Variants in SYNE1 observed in about 807,000 individuals in gnomAD.
SYNE1 encodes spectrin repeat containing nuclear envelope protein 1.
Under a neutral mutation model 1,111.0 loss-of-function variants are expected in SYNE1, and 616 were observed. That is an observed-to-expected ratio of 0.55 (90% CI 0.52 to 0.59). SYNE1 has a LOEUF of 0.59. Among genes scored for constraint, SYNE1 ranks in the 20% least tolerant of loss-of-function variants. The pLI is 0.00. For missense variants in SYNE1, 10,006 were observed against 10,417.0 expected (o/e 0.96, Z 1.72); for synonymous variants, 3,855 against 3,825.8 (o/e 1.01, Z -0.28).
chr6:152,331,089 C>G lies in SYNE1; in HGVS notation c.13596G>C (p.Val4532=). 6.2e-7 allele frequency: 1 copy of G among 1,614,184 alleles called. No individual in the cohort carries two copies. Among genetic ancestry groups the G allele is most frequent in the Non-Finnish European group, 8.5e-7 (1 of 1,180,030 alleles). ...KEVTEQEKSE[V]LGKLQELQSV... ...TCTGCAATTCCTGAAGCTTCCCCAG[C>G]ACTTCACTCTTTTCCTGCTCTGTGA... Residue 4532 remains valine, a synonymous_variant, in exon 78 of 146, where the codon GTG becomes GTC. Coordinates refer to ENST00000367255, the MANE Select transcript of SYNE1 (RefSeq NM_182961.4).
chr6:152,409,069 T>C lies in SYNE1; in HGVS notation c.6539A>G (p.Asp2180Gly). The C allele has an allele frequency of 6.2e-7, 1 of 1,614,024 alleles. No individual in the cohort carries two copies. The change falls in exon 44 of 146, where the codon GAT (aspartate) becomes GGT (glycine). Residue 2180 changes from aspartate to glycine, a missense_variant and splice_region_variant. Coordinates refer to ENST00000367255, the MANE Select transcript of SYNE1 (RefSeq NM_182961.4). ...CAGAATCCCAGGTGATTATCTTACA[T>C]CCAGCCATTTGTCCACGGTGCTCTC... ...DMESTVDKWL[D>G]VSEKLEENMD... is the part of the protein sequence containing the mutation.
At chr6:152,325,353 T>A in intron 80 of SYNE1, 51 bp from the exon 81 acceptor site, 1 of 1,581,002 alleles carries the variant, frequency 6.3e-7, no homozygotes, top group Non-Finnish European at 8.7e-7. Flanking sequence ...AGAGATCAAT[T>A]TAATTTTATA....
chr6:152,155,560 G>T, intron 132 of SYNE1: 1 of 344,944 alleles, frequency 2.9e-6, no homozygotes, highest in Non-Finnish European at 5.6e-6. Context: ...GAATTTCAAA[G>T]GGCTTAAAGA....
chr6:152,507,556 C>A (rs759422404), intron 8 of SYNE1, among the ~76,000 whole-genome samples: 5 of 152,176 alleles, frequency 3.3e-5, no homozygotes, highest in Admixed American at 1.3e-4. Flanking sequence ...TTAGTTCAAA[C>A]CTCTTATTTG....
intron 13 of SYNE1, 92 bp downstream of exon 13, chr6:152,484,743 C>T: frequency 7.3e-7 from 1 of 1,371,292 alleles, no homozygotes; most frequent in South Asian, 1.2e-5. Context: ...GCAGTAGAAC[C>T]TGTTGCCATA....
intron 123 of SYNE1, among the ~76,000 whole-genome samples, chr6:152,212,379 T>G (rs1587926710): frequency 6.6e-6 from 1 of 152,208 alleles, no homozygotes; most frequent in Non-Finnish European, 1.5e-5. Context: ...TCTTGCGATA[T>G]GTAGTCTTTT....
rs569770149 is a variant in SYNE1 at position 152,409,976 on chromosome 6, A to G, written c.6231-267T>C. ...AAACAAAATCTATGAACTCAATGAC[A>G]AAGAAGCAATATATGTTCTTGCCAA... On this transcript the variant is annotated intron_variant, in intron 42 of 145. Transcript: ENST00000367255. Among the ~76,000 whole-genome samples, 3 of 152,352 alleles carry G rather than the reference A, an allele frequency of 2.0e-5. No homozygotes were observed. The South Asian group carries it at 6.2e-4, about 32-fold the overall frequency.
At chr6:152,416,254 C>G (rs1216233878) in intron 41 of SYNE1, 133 bp downstream of exon 41, 1 of 1,283,478 alleles carries the variant, frequency 7.8e-7, no homozygotes, top group African/African-American at 1.5e-5. Context: ...TAATTTCTTT[C>G]TTTTGGCAGA....
intron 19 of SYNE1, 31 bp downstream of exon 19, chr6:152,463,322 G>A (rs1230315761): frequency 6.2e-6 from 10 of 1,612,262 alleles, no homozygotes; most frequent in East Asian, 2.2e-5. Context: ...ACACATACAC[G>A]TTGAGGTGTA....
intron 3 of SYNE1, among the ~76,000 whole-genome samples, chr6:152,562,619 A>G (rs2099398661): frequency 6.6e-6 from 1 of 152,184 alleles, no homozygotes; most frequent in Non-Finnish European, 1.5e-5. Context: ...CACACTATTC[A>G]CAACAGCTAA....
In SYNE1 at chr6:152,539,945, GGTA is replaced by G; in HGVS notation, c.129+12_129+14del. The G allele has an allele frequency of 6.2e-7, 1 of 1,613,662 alleles. No homozygotes were observed. Among genetic ancestry groups the G allele is most frequent in the South Asian group, 1.1e-5 (1 of 91,074 alleles). ...CAACCTAAGTAAACCTGTAATGCTG[GGTA>G]GTTTCCTTTACCTTGGCCAGATGAG... On this transcript the variant is annotated intron_variant, in intron 4 of 145. Transcript: ENST00000367255.
chr6:152,186,284 C>T lies in SYNE1; in HGVS notation c.23301+2968G>A, dbSNP rs115223214. Among the ~76,000 whole-genome samples, 680 of 152,054 alleles carry T rather than the reference C, an allele frequency of 4.5e-3. 6 individuals carry two copies. Among genetic ancestry groups the T allele is most frequent in the African/African-American group, 0.015 (628 of 41,486 alleles). ...GAAAATTAGAAGGGAAGACCGGGCA[C>T]GGTGGCTTACGCCTGTCATCTCAGC... is the stretch of plus-strand genomic sequence containing the variant. On this transcript the variant is annotated intron_variant, in intron 128 of 145. Transcript: ENST00000367255.
At chr6:152,134,629 CG>C (rs2152732175) in intron 142 of SYNE1, 1 of 174,686 alleles carries the variant, frequency 5.7e-6, no homozygotes, top group African/African-American at 2.4e-5. Flanking sequence ...TGCAGTGAGC[CG>C]AGATCGCACC....
chr6:152,573,289 G>A (rs910749731), intron 3 of SYNE1, among the ~76,000 whole-genome samples: 54 of 150,782 alleles, frequency 3.6e-4, no homozygotes, highest in African/African-American at 1.2e-3. Context: ...CCATTAACTC[G>A]TCATTTAGCA....
intron 115 of SYNE1, among the ~76,000 whole-genome samples, chr6:152,229,990 G>A (rs1212163470): frequency 6.6e-6 from 1 of 151,890 alleles, no homozygotes; most frequent in African/African-American, 2.4e-5. Context: ...CATGATGTCT[G>A]GTATTTACTA....
At chr6:152,218,175 G>A in intron 121 of SYNE1, 82 bp downstream of exon 121, 1 of 1,517,780 alleles carries the variant, frequency 6.6e-7, no homozygotes, top group East Asian at 2.3e-5. Context: ...TTGGGCGACA[G>A]AGTGAGACTC....
At chr6:152,537,832 A>C (rs1054852937) in intron 4 of SYNE1, among the ~76,000 whole-genome samples, 3 of 152,212 alleles carry the variant, frequency 2.0e-5, no homozygotes, top group Admixed American at 6.6e-5. Context: ...GAAGAACTTT[A>C]GGAGAAAAGG....
intron 127 of SYNE1, among the ~76,000 whole-genome samples, chr6:152,201,064 T>A (rs1212224051): frequency 6.6e-6 from 1 of 152,192 alleles, no homozygotes; most frequent in Non-Finnish European, 1.5e-5. Context: ...GAGCAATAAT[T>A]TGCAAATGAC....
At position 152,224,488 on chromosome 6, in the gene SYNE1, C is replaced by T. The variant is rs1221784229; in HGVS notation, c.21522+6G>A. On this transcript the variant is annotated splice_donor_region_variant and intron_variant, in intron 117 of 145. Transcript: ENST00000367255. ...ACGTTAAGGATGTGTTAAATTAATT[C>T]CTTACCTGAAGATTGTCCACCTGAA... 1.2e-6 allele frequency: 2 copies of T among 1,613,482 alleles called. No homozygotes were observed. Among genetic ancestry groups the T allele is most frequent in the African/African-American group, 1.3e-5 (1 of 74,890 alleles).
Sources: allele counts gnomAD v4.1 joint callset (sites outside exome capture counted in the v4.1 genomes callset), GRCh38; gene constraint gnomAD v4.1.1; transcripts MANE v1.5; gene names NCBI Gene and HGNC (gene_info 2026-07-23, HGNC 2026-07-21).